SCAND3: variants seen among roughly 807,000 people sequenced by gnomAD.
The protein encoded by SCAND3 is SCAN domain-containing protein 3.
the SCAND3 span, chr6:28,586,576 T>C: frequency 6.2e-7 from 1 of 1,614,238 alleles, no homozygotes. The surrounding 1 kb of genome is among the most constrained non-coding windows in gnomAD (Gnocchi z 4.4). Context: ...GAGAGTTCCC[T>C]GGTATAAGAC....
chr6:28,576,892 G>A, the SCAND3 span, among the ~76,000 whole-genome samples: 1 of 143,024 alleles, frequency 7.0e-6, no homozygotes, highest in Admixed American at 7.2e-5. Context: ...TTACAGGCGT[G>A]AGCCACCACA....
At chr6:28,604,436 G>A in the SCAND3 span, among the ~76,000 whole-genome samples, 1 of 151,950 alleles carries the variant, frequency 6.6e-6, no homozygotes, top group Admixed American at 6.6e-5. Flanking sequence ...GGCCAACAAG[G>A]TGAAACCCGT....
At chr6:28,579,434 G>C in the SCAND3 span, 1 of 1,601,724 alleles carries the variant, frequency 6.2e-7, no homozygotes, top group Non-Finnish European at 8.5e-7. The surrounding 1 kb of genome is among the most constrained non-coding windows in gnomAD (Gnocchi z 4.5). Flanking sequence ...GGACAAGTAG[G>C]TGCATTTGGT....
the SCAND3 span, chr6:28,586,853 C>T: frequency 1.5e-6 from 1 of 685,484 alleles, no homozygotes; most frequent in Non-Finnish European, 2.4e-6. The surrounding 1 kb of genome is among the most constrained non-coding windows in gnomAD (Gnocchi z 4.4). Context: ...AGGACAACTA[C>T]AGACTCAGTT....
the SCAND3 span, chr6:28,576,039 C>A: frequency 6.2e-7 from 1 of 1,613,772 alleles, no homozygotes; most frequent in South Asian, 1.1e-5. Context: ...ACTTTTCTCT[C>A]ATGTTTTCTG....
the SCAND3 span, chr6:28,586,161 A>G: frequency 7.2e-6 from 5 of 697,686 alleles, no homozygotes; most frequent in Admixed American, 1.2e-4. The surrounding 1 kb of genome is among the most constrained non-coding windows in gnomAD (Gnocchi z 4.4). Context: ...GCATCTATTC[A>G]TCTACACCAG....
At chr6:28,610,176 T>A in the SCAND3 span, among the ~76,000 whole-genome samples, 1 of 152,086 alleles carries the variant, frequency 6.6e-6, no homozygotes, top group Non-Finnish European at 1.5e-5. Context: ...CCCAGGTTTT[T>A]AAAATAACCT....
chr6:28,591,440 T>A, the SCAND3 span: 2 of 152,160 alleles, frequency 1.3e-5, no homozygotes, highest in African/African-American at 4.8e-5. Flanking sequence ...TGAGCCCTCC[T>A]CTCAACTAGG....
the SCAND3 span, among the ~76,000 whole-genome samples, chr6:28,596,544 A>T: frequency 6.6e-6 from 1 of 152,146 alleles, no homozygotes; most frequent in Non-Finnish European, 1.5e-5. Flanking sequence ...GCAAGATTTT[A>T]TATAGCTTTA....
At chr6:28,574,815 G>A in the SCAND3 span, 1 of 1,614,078 alleles carries the variant, frequency 6.2e-7, no homozygotes, top group Non-Finnish European at 8.5e-7. Flanking sequence ...CATGTTGAGA[G>A]GGCACTCCAC....
the SCAND3 span, chr6:28,597,988 G>A: frequency 6.6e-6 from 1 of 152,170 alleles, no homozygotes; most frequent in African/African-American, 2.4e-5. Flanking sequence ...GCAGCAATGG[G>A]TCAAAACGGG....
chr6:28,608,309 C>A, the SCAND3 span, among the ~76,000 whole-genome samples: 1 of 152,094 alleles, frequency 6.6e-6, no homozygotes, highest in Non-Finnish European at 1.5e-5. Flanking sequence ...GTGTGGAGAC[C>A]AGAGGTCTGA....
the SCAND3 span, chr6:28,590,976 C>T: frequency 6.6e-6 from 1 of 152,146 alleles, no homozygotes; most frequent in Non-Finnish European, 1.5e-5. Context: ...GAGATCTCAC[C>T]CAAAGTGTTC....
At chr6:28,613,661 C>T in the SCAND3 span, among the ~76,000 whole-genome samples, 1 of 152,084 alleles carries the variant, frequency 6.6e-6, no homozygotes, top group Admixed American at 6.6e-5. Flanking sequence ...CTATGAATTT[C>T]AACACAAAGT....
At chr6:28,612,816 A>G in the SCAND3 span, among the ~76,000 whole-genome samples, 63,407 of 152,038 alleles carry the variant, frequency 0.42, 15,890 homozygotes, top group Non-Finnish European at 0.55. Flanking sequence ...GAAACATTCT[A>G]TTCTAGAATC....
chr6:28,594,934 G>C, the SCAND3 span, among the ~76,000 whole-genome samples: 1 of 152,016 alleles, frequency 6.6e-6, no homozygotes. Context: ...GTAGTACAAA[G>C]TTTCAGATAG....
the SCAND3 span, among the ~76,000 whole-genome samples, chr6:28,600,533 T>A: frequency 6.6e-6 from 1 of 152,252 alleles, no homozygotes; most frequent in South Asian, 2.1e-4. Flanking sequence ...CTTGGGAGGC[T>A]GAGGTGAGAG....
At chr6:28,597,331 C>T in the SCAND3 span, among the ~76,000 whole-genome samples, 4 of 152,254 alleles carry the variant, frequency 2.6e-5, no homozygotes, top group East Asian at 3.9e-4. Flanking sequence ...AAATAAAAAC[C>T]TCCAGAAACG....
chr6:28,575,720 C>G, the SCAND3 span: 1 of 1,614,094 alleles, frequency 6.2e-7, no homozygotes, highest in South Asian at 1.1e-5. The surrounding 1 kb of genome is among the most constrained non-coding windows in gnomAD (Gnocchi z 4.2). Flanking sequence ...GCTTGTAACT[C>G]TTTCTCCATG....
Sources: allele counts gnomAD v4.1 joint callset (sites outside exome capture counted in the v4.1 genomes callset), GRCh38; gene constraint gnomAD v4.1.1; non-coding constraint Gnocchi (gnomAD v3.1); transcripts MANE v1.5; gene names NCBI Gene and HGNC (gene_info 2026-07-23, HGNC 2026-07-21).